MFAP5: variants seen among roughly 807,000 people sequenced by gnomAD.
The protein encoded by MFAP5 is microfibrillar-associated protein 5.
In MFAP5, 19 loss-of-function variants were observed where a neutral mutation model predicts 30.1. The observed-to-expected ratio is 0.63, with a 90% CI of 0.44 to 0.93. The LOEUF (loss-of-function observed/expected upper bound fraction) is 0.93, where lower values mean the gene tolerates loss of function less well. Ranked by LOEUF, MFAP5 falls within the 40% of genes least tolerant of loss-of-function variation. MFAP5 has a pLI of 0.00. For synonymous variants in MFAP5, 92 were observed against 72.9 expected, an observed-to-expected ratio of 1.26 and a Z score of -1.33; for missense variants, 210 against 221.3, an observed-to-expected ratio of 0.95 and a Z score of 0.32.
At chr12:8,657,542 G>A (rs1333299984) in intron 3 of MFAP5, among the ~76,000 whole-genome samples, 3 of 150,702 alleles carry the variant, frequency 2.0e-5, no homozygotes, top group African/African-American at 7.3e-5. Flanking sequence ...CTAGGGGTCA[G>A]CAAATTCACA....
At chr12:8,655,904 A>G in intron 3 of MFAP5, 74 bp from the exon 4 acceptor site, 1 of 1,347,988 alleles carries the variant, frequency 7.4e-7, no homozygotes, top group Non-Finnish European at 1.1e-6. Context: ...AGTAAGTTAA[A>G]TTGCGAAGCA....
At chr12:8,656,591 TACACACACACACAC>T (rs1268100031) in intron 3 of MFAP5, among the ~76,000 whole-genome samples, 4 of 130,858 alleles carry the variant, frequency 3.1e-5, no homozygotes, top group African/African-American at 1.3e-4. Flanking sequence ...TATATATATA[TACACACACACACAC>T]ACACATATAT....
At chr12:8,650,143 C>G (rs966873099) in intron 8 of MFAP5, among the ~76,000 whole-genome samples, 9 of 152,218 alleles carry the variant, frequency 5.9e-5, no homozygotes, top group African/African-American at 2.2e-4. Flanking sequence ...TTTGCACACT[C>G]TACCTAAAGT....
At chr12:8,651,513 AGAGTAAGGGAGTGAAGAACAC>A (rs1207337542) in intron 7 of MFAP5, 128 bp downstream of exon 7, 2 of 760,652 alleles carry the variant, frequency 2.6e-6, no homozygotes. Context: ...TTTAAAAAAA[AGAGTAAGGGAGTGAAGAACAC>A]TAATACTCTT....
At chr12:8,652,843 A>G (rs773819476) in intron 6 of MFAP5, among the ~76,000 whole-genome samples, 1 of 152,314 alleles carries the variant, frequency 6.6e-6, no homozygotes, top group South Asian at 2.1e-4. Flanking sequence ...CACTAATTCT[A>G]GTTGTTATAC....
chr12:8,648,500 G>T, intron 9 of MFAP5: 1 of 1,294,992 alleles, frequency 7.7e-7, no homozygotes, highest in Non-Finnish European at 1.0e-6. Flanking sequence ...GCACAGGTGA[G>T]CAGTAAATGT....
In MFAP5 at chr12:8,650,689, T is replaced by C. The variant is rs1434221191; in HGVS notation, c.248-100A>G. 5.2e-6 allele frequency: 5 copies of C among 963,036 alleles called. No individual in the cohort carries two copies. In the African/African-American group the frequency reaches 6.5e-5, roughly 13 times the overall value. 59.7% of individuals were successfully genotyped at this position (963,036 alleles called of 1,614,324 possible). A position where few individuals can be genotyped will look rare whatever the true frequency, so the allele number is the denominator to read the frequency against. On this transcript the variant is annotated intron_variant, in intron 7 of 9. Transcript: ENST00000359478. ...AAGGATAGATAGAGTAGGAAAAAAA[T>C]ACAGAGTAATCTCTACAGAGAATCA...
chr12:8,650,415 A>G, intron 8 of MFAP5, 87 bp downstream of exon 8: 1 of 1,369,018 alleles, frequency 7.3e-7, no homozygotes, highest in South Asian at 1.2e-5. Context: ...CAAAGTTTGC[A>G]ATTCCATAGT....
At chr12:8,651,752 G>C in intron 6 of MFAP5, 61 bp from the exon 7 acceptor site, 1 of 1,476,136 alleles carries the variant, frequency 6.8e-7, no homozygotes, top group Non-Finnish European at 9.5e-7. Context: ...TTCTGTAACT[G>C]CCACACTGCC....
chr12:8,650,298 A>T, intron 8 of MFAP5: 1 of 550,440 alleles, frequency 1.8e-6, no homozygotes, highest in Non-Finnish European at 3.3e-6. Context: ...TTCCCTTCTA[A>T]GTTCTATTAC....
chr12:8,656,570 G>A (rs1237573715), intron 3 of MFAP5, among the ~76,000 whole-genome samples: 38 of 121,868 alleles, frequency 3.1e-4, no homozygotes, highest in Non-Finnish European at 3.3e-4. Flanking sequence ...ACCATGCCTG[G>A]CTAATATATA....
chr12:8,662,300 C>T, intron 1 of MFAP5, 194 bp from the exon 2 acceptor site: 1 of 575,602 alleles, frequency 1.7e-6, no homozygotes, highest in Non-Finnish European at 3.1e-6. Flanking sequence ...AAATCTATTC[C>T]TTGGTCACTT....
At chr12:8,656,668 A>ATATATAT (rs1174790172) in intron 3 of MFAP5, among the ~76,000 whole-genome samples, 4 of 118,802 alleles carry the variant, frequency 3.4e-5, no homozygotes, top group African/African-American at 1.1e-4. Flanking sequence ...ATATATATAT[A>ATATATAT]TTTTTTTTTT....
intron 7 of MFAP5, among the ~76,000 whole-genome samples, chr12:8,650,845 TAA>T (rs2136461992): frequency 1.3e-5 from 2 of 152,320 alleles, no homozygotes; most frequent in African/African-American, 4.8e-5. Flanking sequence ...CTTCTAGGAA[TAA>T]AGTCTTTCTA....
At chr12:8,661,232 C>T (rs1942141870) in intron 2 of MFAP5, among the ~76,000 whole-genome samples, 1 of 152,148 alleles carries the variant, frequency 6.6e-6, no homozygotes, top group African/African-American at 2.4e-5. Context: ...GGCCTGGCAG[C>T]CCTTCTAGCC....
intron 3 of MFAP5, among the ~76,000 whole-genome samples, chr12:8,658,832 T>A (rs1942073308): frequency 1.3e-5 from 2 of 152,056 alleles, no homozygotes; most frequent in South Asian, 4.1e-4. Flanking sequence ...ACGTATTTTC[T>A]TTTCCTTTTC....
chr12:8,647,923 A>G lies in MFAP5; in HGVS notation c.*168T>C, dbSNP rs913232729. The G allele has an allele frequency of 3.9e-6, 2 of 513,892 alleles. No individual in the cohort carries two copies. The highest frequency in any genetic ancestry group is 7.0e-6 in the Non-Finnish European group (2 of 284,880). The allele number at this position is 513,892 out of a possible 1,614,324, so 31.8% of individuals were successfully genotyped here. ...TTTTAAGTGCTAGAAAATGAGATAA[A>G]TGTTATCAGTTTGGGTGAAAAAGTA... On this transcript the variant is annotated 3_prime_UTR_variant, in exon 10 of 10. Transcript: ENST00000359478.
At chr12:8,659,489 T>G (rs1322201878) in intron 3 of MFAP5, among the ~76,000 whole-genome samples, 1 of 151,976 alleles carries the variant, frequency 6.6e-6, no homozygotes, top group Non-Finnish European at 1.5e-5. Context: ...GCATCTAAAG[T>G]CTTAACACAG....
Position 8,648,028 on chromosome 12 carries a change from A to G in MFAP5, c.*63T>C. 7.9e-7 allele frequency: 1 copy of G among 1,258,490 alleles called. No homozygotes were observed. Among genetic ancestry groups the G allele is most frequent in the Non-Finnish European group, 1.1e-6 (1 of 871,034 alleles). The allele number at this position is 1,258,490 out of a possible 1,614,324, so 78.0% of individuals were successfully genotyped here. A position where few individuals can be genotyped will look rare whatever the true frequency, so the allele number is the denominator to read the frequency against. ...CTAAGGGTTAGCTGTCAATGGTTGG[A>G]GAAGAAGGAGATCCTCCTTCCTCTC... On this transcript the variant is annotated 3_prime_UTR_variant, in exon 10 of 10. Coordinates refer to ENST00000359478, the MANE Select transcript of MFAP5 (RefSeq NM_003480.4).
Sources: gnomAD v4.1 joint callset for allele counts (sites outside exome capture counted in the v4.1 genomes callset) on GRCh38, gnomAD v4.1.1 for gene constraint, MANE v1.5 for transcripts, NCBI Gene and HGNC (gene_info 2026-07-23, HGNC 2026-07-21) for gene names.